Variants in LAMA3 observed in about 807,000 individuals in gnomAD.
LAMA3 encodes the protein laminin subunit alpha 3.
Under a neutral mutation model 402.0 loss-of-function variants are expected in LAMA3, and 281 were observed. The ratio of observed to expected loss-of-function variants is 0.70; its 90% CI spans 0.63 to 0.77. The LOEUF is 0.77. LAMA3 is among the 30% of genes least tolerant of loss of function. The pLI, the probability that LAMA3 is intolerant of heterozygous loss-of-function variation, is 0.00. For missense variants in LAMA3, 3,840 were observed against 4,215.5 expected, an observed-to-expected ratio of 0.91 and a Z score of 2.47; for synonymous variants, 1,431 against 1,558.4, an observed-to-expected ratio of 0.92 and a Z score of 1.93.
intron 2 of LAMA3, among the ~76,000 whole-genome samples, chr18:23,732,349 A>C (rs2146010451): frequency 6.6e-6 from 1 of 152,274 alleles, no homozygotes; most frequent in Middle Eastern, 3.4e-3. Context: ...AGGAGGAGGC[A>C]AAGCCTCCCA....
intron 29 of LAMA3, among the ~76,000 whole-genome samples, chr18:23,844,191 G>A (rs1243043641): frequency 1.3e-5 from 2 of 152,200 alleles, no homozygotes; most frequent in African/African-American, 2.4e-5. Flanking sequence ...TGTAAGCTGT[G>A]AGCTGGTGAG....
intron 12 of LAMA3, among the ~76,000 whole-genome samples, chr18:23,798,088 G>A (rs548292043): frequency 3.3e-5 from 5 of 151,892 alleles, no homozygotes; most frequent in East Asian, 1.9e-4. Context: ...TCCTGCCTTC[G>A]TCTCCTCCTT....
At chr18:23,886,295 G>A (rs1337919552) in intron 41 of LAMA3, among the ~76,000 whole-genome samples, 2 of 152,168 alleles carry the variant, frequency 1.3e-5, no homozygotes, top group African/African-American at 4.8e-5. Flanking sequence ...AAGAGAATGA[G>A]TGACTACCTA....
intron 41 of LAMA3, among the ~76,000 whole-genome samples, chr18:23,887,783 T>C (rs1046457466): frequency 6.6e-6 from 1 of 152,322 alleles, no homozygotes; most frequent in Non-Finnish European, 1.5e-5. Flanking sequence ...TGCATGCTCT[T>C]ACCCCTCTTC....
chr18:23,884,047 GGTGTGTGTGT>G lies in LAMA3; in HGVS notation c.5223-683_5223-674del, dbSNP rs60711151. 7.4e-3 allele frequency among the ~76,000 whole-genome samples: 1,030 copies of G among 138,866 alleles called. 14 individuals are homozygous for G. The highest frequency in any genetic ancestry group is 0.068 in the East Asian group (337 of 4,966). The allele number at this position is 138,866 out of a possible 152,430, so 91.1% of individuals were successfully genotyped here. A position where few individuals can be genotyped will look rare whatever the true frequency, so the allele number is the denominator to read the frequency against. Reference sequence around the variant, plus strand: ...AACAGGGCTTTTTCATGGTCTCTTTGGTGTGTGTGTGTGTGTGTGTGTGTGTGTGTGTGTG... The same window carrying G: ...AACAGGGCTTTTTCATGGTCTCTTTGGTGTGTGTGTGTGTGTGTGTGTGTG... On this transcript the variant is annotated intron_variant, in intron 40 of 74. Coordinates refer to ENST00000313654, the MANE Select transcript of LAMA3 (RefSeq NM_198129.4).
chr18:23,717,749 T>G (rs1276114518), intron 2 of LAMA3, among the ~76,000 whole-genome samples: 1 of 140,986 alleles, frequency 7.1e-6, no homozygotes, highest in African/African-American at 2.8e-5. Context: ...TTTTTTTTTT[T>G]TAGTAGAGAC....
intron 12 of LAMA3, among the ~76,000 whole-genome samples, chr18:23,807,457 AGTGT>A (rs35332291): frequency 1.3e-4 from 19 of 149,074 alleles, no homozygotes; most frequent in Non-Finnish European, 2.7e-4. Flanking sequence ...ATATTGTGTG[AGTGT>A]GTGTGTGTGT....
chr18:23,803,647 A>T (rs533441576), intron 12 of LAMA3, among the ~76,000 whole-genome samples: 2 of 152,188 alleles, frequency 1.3e-5, no homozygotes, highest in Non-Finnish European at 2.9e-5. Flanking sequence ...GTAATTTCAC[A>T]TCTGGCCATT....
chr18:23,787,368 G>A (rs913112365), intron 12 of LAMA3, among the ~76,000 whole-genome samples: 5 of 152,102 alleles, frequency 3.3e-5, no homozygotes. Context: ...ATCAGAAAGA[G>A]AGGAGAAAAA....
intron 1 of LAMA3, among the ~76,000 whole-genome samples, chr18:23,697,516 C>T (rs911518895): frequency 8.5e-5 from 13 of 152,186 alleles, no homozygotes; most frequent in Admixed American, 7.2e-4. Context: ...GACTTCCTTA[C>T]TGGTACACCA....
rs1480502341 is a variant in LAMA3, at chr18:23,931,111, C to T, written c.8486C>T (p.Thr2829Ile). Reference sequence around the variant, plus strand: ...GAAGATGGTTACATTGAATTGAGCACCAGCGATAGCGGCGGCCCAATTTTT... The same window carrying T: ...GAAGATGGTTACATTGAATTGAGCATCAGCGATAGCGGCGGCCCAATTTTT... Reference protein sequence around the residue: ...TLEDGYIELSTSDSGGPIFKS... With the variant: ...TLEDGYIELSISDSGGPIFKS... Residue 2829 changes from threonine to isoleucine, a missense_variant, in exon 65 of 75, where the codon ACC becomes ATC. Around this residue, in one of 3 missense-constraint regions of LAMA3, gnomAD observed 840 missense variants for 981.9 expected, o/e 0.86. Coordinates refer to ENST00000313654, the MANE Select transcript of LAMA3 (RefSeq NM_198129.4). 6.2e-7 allele frequency: 1 copy of T among 1,613,166 alleles called. No homozygotes were observed.
In LAMA3 at chr18:23,864,953, C is replaced by G. The variant is rs1598951032; in HGVS notation, c.4683+70C>G. On this transcript the variant is annotated intron_variant, in intron 36 of 74. Transcript: ENST00000313654. Reference sequence around the variant, plus strand: ...AGTTGGTGCTGATCTAAATTTAGGACATCTTGATATGTGGCCTACAAAAAG... The same window carrying G: ...AGTTGGTGCTGATCTAAATTTAGGAGATCTTGATATGTGGCCTACAAAAAG... 3.2e-6 allele frequency: 3 copies of G among 943,824 alleles called. No homozygotes were observed. The East Asian group carries it at 7.2e-5, about 23-fold the overall frequency. The allele number at this position is 943,824 out of a possible 1,614,324, so 58.5% of individuals were successfully genotyped here.
At chr18:23,706,123 G>A (rs2145871237) in intron 1 of LAMA3, among the ~76,000 whole-genome samples, 1 of 151,966 alleles carries the variant, frequency 6.6e-6, no homozygotes, top group Non-Finnish European at 1.5e-5. Flanking sequence ...CATCAATATT[G>A]TTTCATCCAT....
intron 18 of LAMA3, among the ~76,000 whole-genome samples, chr18:23,819,326 A>G (rs746076641): frequency 3.9e-5 from 6 of 152,222 alleles, no homozygotes; most frequent in South Asian, 2.1e-4. Flanking sequence ...GGCATAGAAG[A>G]GTCATTCTAA....
Position 23,871,678 on chromosome 18 carries a change from T to A in LAMA3, c.4998+17T>A, listed in dbSNP as rs985322945. On this transcript the variant is annotated intron_variant, in intron 38 of 74. Transcript: ENST00000313654. ...TCTTGTCAGGTAGGAAGTTTTCCCATCCGCAACATTTCCCTAGGGAGCTCC... is the reference window on the plus strand; with the variant it reads ...TCTTGTCAGGTAGGAAGTTTTCCCAACCGCAACATTTCCCTAGGGAGCTCC... 12 of 1,572,718 alleles carry A rather than the reference T, an allele frequency of 7.6e-6. No homozygotes were observed. Among genetic ancestry groups the A allele is most frequent in the Non-Finnish European group, 1.0e-5 (12 of 1,157,258 alleles).
At chr18:23,707,799 C>T (rs11662031) in intron 1 of LAMA3, among the ~76,000 whole-genome samples, 71,156 of 150,378 alleles carry the variant, frequency 0.47, 18,970 homozygotes, top group Non-Finnish European at 0.61. Flanking sequence ...CAGGATGGAG[C>T]GCAGTGGTGC....
intron 12 of LAMA3, among the ~76,000 whole-genome samples, chr18:23,792,874 G>A (rs2062686885): frequency 6.6e-6 from 1 of 152,194 alleles, no homozygotes; most frequent in Non-Finnish European, 1.5e-5. Context: ...ACCCAAAGCA[G>A]CTGAAGTATT....
intron 35 of LAMA3, among the ~76,000 whole-genome samples, chr18:23,862,777 G>T (rs1021624455): frequency 6.6e-6 from 1 of 151,802 alleles, no homozygotes; most frequent in African/African-American, 2.4e-5. Flanking sequence ...AGTCTTCCTA[G>T]GTTACTGTCA....
In LAMA3 at chr18:23,847,510, C is replaced by T. The variant is rs2063843469; in HGVS notation, c.3978C>T (p.Cys1326=). 6.2e-6 allele frequency: 10 copies of T among 1,613,856 alleles called. No individual in the cohort carries two copies. Among genetic ancestry groups the T allele is most frequent in the Non-Finnish European group, 8.5e-6 (10 of 1,180,034 alleles). ...TTTGTGAAGAGATGACGGGGCAGTG[C>T]CGCTGCCCTCCCCGCACGGTCAGGC... ...RRLCEEMTGQ[C]RCPPRTVRPQ... is the part of the protein sequence containing the mutation. The change falls in exon 32 of 75, where the codon TGC becomes TGT. Residue 1326 remains cysteine, a synonymous_variant. Coordinates refer to ENST00000313654, the MANE Select transcript of LAMA3 (RefSeq NM_198129.4).
Sources: gnomAD v4.1 joint callset for allele counts (sites outside exome capture counted in the v4.1 genomes callset) on GRCh38, gnomAD v4.1.1 for gene constraint, gnomAD v4.1.1 regional missense constraint, MANE v1.5 for transcripts, NCBI Gene and HGNC (gene_info 2026-07-23, HGNC 2026-07-21) for gene names.